The following DAZAP2 variants were observed in gnomAD, a reference collection of about 807,000 sequenced individuals.
DAZAP2 encodes DAZ associated protein 2.
A neutral mutation model predicts 16.2 loss-of-function variants in DAZAP2; 3 were observed. The ratio of observed to expected loss-of-function variants is 0.19; its 90% confidence interval spans 0.08 to 0.48. The LOEUF (loss-of-function observed/expected upper bound fraction) is 0.48. DAZAP2 is among the 20% of genes least tolerant of loss of function. The pLI is 0.98. For missense variants in DAZAP2, 172 were observed against 215.9 expected, an observed-to-expected ratio of 0.80 and a Z score of 1.27; for synonymous variants, 69 against 77.6, an observed-to-expected ratio of 0.89 and a Z score of 0.58.
intron 3 of DAZAP2, 138 bp downstream of exon 3, chr12:51,241,254 GA>G (rs143031853): frequency 0.056 from 75,411 of 1,357,212 alleles, 2,539 homozygotes; most frequent in Non-Finnish European, 0.064. Context: ...TACTCAGGCA[GA>G]AAGTGTTTGA....
At position 51,241,268 on chromosome 12, in the gene DAZAP2, G is replaced by C. The variant is rs1052677165; in HGVS notation, c.378+152G>C. On this transcript the variant is annotated intron_variant, in intron 3 of 3. Coordinates refer to ENST00000412716, the MANE Select transcript of DAZAP2 (RefSeq NM_014764.4). ...ATACTCAGGCAGAAAGTGTTTGAGG[G>C]GGCAGAACTGTGGCAAGTGAGTAGC... 3 of 1,243,480 alleles carry C rather than the reference G, an allele frequency of 2.4e-6. No homozygotes were observed. The African/African-American group carries it at 4.5e-5, about 19-fold the overall frequency. 77.0% of individuals were successfully genotyped at this position (1,243,480 alleles called of 1,614,324 possible). A position where few individuals can be genotyped will look rare whatever the true frequency, so the allele number is the denominator to read the frequency against.
chr12:51,240,034 A>G, intron 1 of DAZAP2: 2 of 347,018 alleles, frequency 5.8e-6, no homozygotes, highest in Non-Finnish European at 1.1e-5. Context: ...GAACAGCAGC[A>G]GGCCAGAACC....
At chr12:51,246,109 G>A (rs375630152), downstream of DAZAP2, 13 of 1,613,808 alleles carry the variant, frequency 8.1e-6, no homozygotes, top group Admixed American at 1.7e-5. Flanking sequence ...GGAAGACAAC[G>A]GTGATAACAA....
intron 1 of DAZAP2, chr12:51,239,571 G>C (rs1029354424): frequency 6.6e-6 from 1 of 151,386 alleles, no homozygotes; most frequent in African/African-American, 2.4e-5. Context: ...CTGAGGTCAA[G>C]AGTTCGAGAC....
intron 1 of DAZAP2, 58 bp downstream of exon 1, chr12:51,238,978 G>C: frequency 6.2e-7 from 1 of 1,604,722 alleles, no homozygotes; most frequent in Non-Finnish European, 8.5e-7. Context: ...CAGAGCGAGC[G>C]GATTCGGAGC....
At chr12:51,240,787 G>A in intron 2 of DAZAP2, 84 bp from the exon 3 acceptor site, 1 of 1,532,676 alleles carries the variant, frequency 6.5e-7, no homozygotes, top group Non-Finnish European at 8.8e-7. Context: ...CCTGCATAAG[G>A]AGAATTAAGA....
Position 51,241,023 on chromosome 12 carries a change from T to A in DAZAP2, c.285T>A (p.Gly95=). The change falls in exon 3 of 4, where the codon GGT becomes GGA. Residue 95 remains glycine, a synonymous_variant. Transcript: ENST00000412716. ...STIPMAYYPV[G]PIYPPGSTVL... Reference sequence around the variant, plus strand: ...TCCCCATGGCTTATTATCCAGTCGGTCCCATCTATCCACCTGGCTCCACAG... The same window carrying A: ...TCCCCATGGCTTATTATCCAGTCGGACCCATCTATCCACCTGGCTCCACAG... 1.9e-6 allele frequency: 3 copies of A among 1,614,184 alleles called. No homozygotes were observed. The highest frequency in any genetic ancestry group is 2.5e-6 in the Non-Finnish European group (3 of 1,180,028).
chr12:51,245,736 G>A (rs184524440), downstream of DAZAP2: 397 of 551,668 alleles, frequency 7.2e-4, 2 homozygotes, highest in Non-Finnish European at 1.8e-4. Flanking sequence ...AGAGGGCCTG[G>A]TTAAAGATAT....
At position 51,242,994 on chromosome 12, in the gene DAZAP2, A is replaced by AT; in HGVS notation, c.*537dup. ...CCTCCCGCCAGTCTCCATTGAATCA[A>AT]TGGTGCAGGACAGAAAGCCAGTCAG... On this transcript the variant is annotated 3_prime_UTR_variant, in exon 4 of 4. Coordinates refer to ENST00000412716, the MANE Select transcript of DAZAP2 (RefSeq NM_014764.4). 2 of 1,050,872 alleles carry AT rather than the reference A, an allele frequency of 1.9e-6. No homozygotes were observed. Among genetic ancestry groups the AT allele is most frequent in the Non-Finnish European group, 2.3e-6 (2 of 871,400 alleles). The allele number at this position is 1,050,872 out of a possible 1,614,324, so 65.1% of individuals were successfully genotyped here. A position where few individuals can be genotyped will look rare whatever the true frequency, so the allele number is the denominator to read the frequency against.
downstream of DAZAP2, chr12:51,246,005 C>G: frequency 1.9e-6 from 3 of 1,613,926 alleles, no homozygotes; most frequent in Non-Finnish European, 2.5e-6. Context: ...GACGATGGCA[C>G]TGGGCTCACC....
chr12:51,239,027 C>T, intron 1 of DAZAP2, 107 bp downstream of exon 1: 21 of 1,508,744 alleles, frequency 1.4e-5, no homozygotes, highest in Non-Finnish European at 1.7e-5. Flanking sequence ...TGGGCTGCGC[C>T]ATGCTCCTTG....
chr12:51,240,966 G>T lies in DAZAP2; in HGVS notation c.228G>T (p.Gln76His), dbSNP rs762855178. 3 of 1,614,166 alleles carry T rather than the reference G, an allele frequency of 1.9e-6. No individual in the cohort carries two copies. The highest frequency in any genetic ancestry group is 2.2e-5 in the South Asian group (2 of 91,076). The change falls in exon 3 of 4, where the codon CAG (glutamine) becomes CAT (histidine). Residue 76 changes from glutamine (Q) to histidine (H), a missense_variant. Gln to His is a conservative substitution (Grantham distance 24, BLOSUM62 0). Transcript: ENST00000412716. ...PGASLYLPMA[Q>H]SVAVGPLGST... ...CCTCTCTGTATCTTCCCATGGCCCA[G>T]TCTGTGGCTGTTGGGCCTTTAGGTT... is the stretch of plus-strand genomic sequence containing the variant.
chr12:51,246,334 C>A, downstream of DAZAP2: 1 of 592,432 alleles, frequency 1.7e-6, no homozygotes, highest in Non-Finnish European at 2.7e-6. Flanking sequence ...AGGACACATG[C>A]TTTTGATTTC....
rs940440242 is a variant in DAZAP2, at chr12:51,239,334, A to G, written c.13+414A>G. The G allele has an allele frequency of 4.8e-5, 10 of 206,624 alleles. No individual in the cohort carries two copies. The East Asian group carries it at 1.1e-3, about 24-fold the overall frequency. 12.8% of individuals were successfully genotyped at this position (206,624 alleles called of 1,614,324 possible). A position where few individuals can be genotyped will look rare whatever the true frequency, so the allele number is the denominator to read the frequency against. On this transcript the variant is annotated intron_variant, in intron 1 of 3. Coordinates refer to ENST00000412716, the MANE Select transcript of DAZAP2 (RefSeq NM_014764.4). The stretch of plus-strand genomic sequence containing the variant: ...GTTGGTTCGTGGGCCGGGGCCTGTG[A>G]GGTCTCTTTTCCTTCCCTTCGCACC...
At chr12:51,245,636 A>G (rs1246886016), downstream of DAZAP2, 3 of 306,858 alleles carry the variant, frequency 9.8e-6, no homozygotes, top group Admixed American at 1.3e-4. Flanking sequence ...CTCTCCCTTC[A>G]ACCTGTGAAA....
Position 51,242,783 on chromosome 12 carries a change from A to T in DAZAP2, c.*325A>T. The T allele has an allele frequency of 7.1e-7, 1 of 1,408,244 alleles. No individual in the cohort carries two copies. The highest frequency in any genetic ancestry group is 9.2e-7 in the Non-Finnish European group (1 of 1,088,140). The allele number at this position is 1,408,244 out of a possible 1,614,324, so 87.2% of individuals were successfully genotyped here. ...CTTTGCTTTTAGTAATAAAACATCA[A>T]ATTAGGTTTGGAGGGAACTTTGATC... On this transcript the variant is annotated 3_prime_UTR_variant, in exon 4 of 4. Transcript: ENST00000412716.
chr12:51,244,772 C>G (rs1390092871), downstream of DAZAP2: 2 of 150,014 alleles, frequency 1.3e-5, no homozygotes, highest in African/African-American at 4.9e-5. Flanking sequence ...CTGGGAAATT[C>G]TGGCCCTTGC....
chr12:51,246,220 CTT>C (rs1329296915), downstream of DAZAP2: 5 of 1,506,950 alleles, frequency 3.3e-6, no homozygotes, highest in East Asian at 4.6e-5. Flanking sequence ...TAAAGATCCT[CTT>C]GTTTTCATTA....
downstream of DAZAP2, chr12:51,246,593 G>A (rs1245729373): frequency 3.9e-6 from 2 of 508,504 alleles, no homozygotes; most frequent in Non-Finnish European, 6.4e-6. Context: ...AAGCCTCCGA[G>A]TCTTTTATGG....
Sources: gnomAD v4.1 joint callset for allele counts on GRCh38, gnomAD v4.1.1 for gene constraint, MANE v1.5 for transcripts, NCBI Gene and HGNC (gene_info 2026-07-23, HGNC 2026-07-21) for gene names.